The following TGM4 variants were observed in gnomAD, a reference collection of about 807,000 sequenced individuals.
The protein encoded by TGM4 is transglutaminase 4, also known as protein-glutamine gamma-glutamyltransferase 4.
A neutral mutation model predicts 76.3 loss-of-function variants in TGM4; 61 were observed. The observed-to-expected ratio is 0.80, with a 90% CI of 0.65 to 0.99. The LOEUF is 0.99. TGM4 is among the 50% of genes least tolerant of loss of function. The pLI is 0.00. For synonymous variants in TGM4, 337 were observed against 329.8 expected (o/e 1.02, Z -0.24); for missense variants, 794 against 843.2 (o/e 0.94, Z 0.72).
In TGM4 at chr3:44,885,359, G is replaced by A; in HGVS notation, c.54G>A (p.Gln18=). The A allele has an allele frequency of 6.2e-7, 1 of 1,613,496 alleles. No individual in the cohort carries two copies. The highest frequency in any genetic ancestry group is 1.1e-5 in the South Asian group (1 of 91,014). The change falls in exon 2 of 14, where the codon CAG becomes CAA. Residue 18 remains glutamine, a synonymous_variant. Transcript: ENST00000296125. ...LQVLHIDFLN[Q]DNAVSHHTWE... Reference sequence around the variant, plus strand: ...TTCTCCACATTGACTTCTTGAATCAGGACAACGCCGTTTCTCACCACACAT... The same window carrying A: ...TTCTCCACATTGACTTCTTGAATCAAGACAACGCCGTTTCTCACCACACAT...
chr3:44,900,143 C>T (rs1054499883), intron 6 of TGM4, among the ~76,000 whole-genome samples: 1 of 152,334 alleles, frequency 6.6e-6, no homozygotes, highest in Non-Finnish European at 1.5e-5. Context: ...CGTCACTCCC[C>T]TTCTTTCCCT....
At chr3:44,905,626 T>C (rs1024777939) in intron 9 of TGM4, among the ~76,000 whole-genome samples, 1 of 152,190 alleles carries the variant, frequency 6.6e-6, no homozygotes, top group South Asian at 2.1e-4. Flanking sequence ...AATTTAAACA[T>C]ACTTTGCGGG....
Position 44,896,802 on chromosome 3 carries a change from G to A in TGM4, c.643G>A (p.Ala215Thr). Residue 215 changes from alanine (A) to threonine (T), a missense_variant, in exon 6 of 14, where the codon GCC becomes ACC. Transcript: ENST00000296125. ...DRRDPVLVCR[A>T]MCAMMSFEKG... ...GAGGGACCCCGTGCTGGTGTGCAGG[G>A]CCATGTGTGCTATGGTAGGTATGGA... 10 of 1,614,118 alleles carry A rather than the reference G, an allele frequency of 6.2e-6. No individual in the cohort carries two copies. The highest frequency in any genetic ancestry group is 7.6e-6 in the Non-Finnish European group (9 of 1,179,984).
chr3:44,877,791 G>A (rs1699469964), intron 1 of TGM4, among the ~76,000 whole-genome samples: 1 of 152,146 alleles, frequency 6.6e-6, no homozygotes, highest in Admixed American at 6.5e-5. Flanking sequence ...CCCATATCCT[G>A]TGACACAGCA....
At chr3:44,879,533 C>T (rs935988355) in intron 1 of TGM4, among the ~76,000 whole-genome samples, 8 of 146,548 alleles carry the variant, frequency 5.5e-5, no homozygotes, top group South Asian at 2.1e-4. Context: ...AGTGCAGTGG[C>T]GCAATCTCGG....
intron 2 of TGM4, among the ~76,000 whole-genome samples, chr3:44,886,739 G>T (rs1699613196): frequency 1.3e-5 from 2 of 152,216 alleles, no homozygotes; most frequent in Non-Finnish European, 2.9e-5. Context: ...CCTACTCTGT[G>T]CCAGGGAACC....
intron 5 of TGM4, among the ~76,000 whole-genome samples, chr3:44,896,430 G>T (rs1699779272): frequency 6.6e-6 from 1 of 152,076 alleles, no homozygotes. Flanking sequence ...TATTTGACTT[G>T]ATTACAAAGG....
At chr3:44,898,771 C>T (rs1301167028) in intron 6 of TGM4, among the ~76,000 whole-genome samples, 1 of 152,174 alleles carries the variant, frequency 6.6e-6, no homozygotes, top group Non-Finnish European at 1.5e-5. Flanking sequence ...TTCCCCTGCA[C>T]CTTAGGGGCT....
chr3:44,901,497 C>CT (rs1699851767), intron 6 of TGM4, 27 bp from the exon 7 acceptor site: 1 of 1,580,616 alleles, frequency 6.3e-7, no homozygotes, highest in African/African-American at 1.3e-5. Context: ...GGGGCGGACA[C>CT]TGACCCCACC....
intron 1 of TGM4, among the ~76,000 whole-genome samples, chr3:44,878,454 TATTATTATTATTATTATTA>T (rs1699480939): frequency 1.8e-4 from 25 of 142,802 alleles, no homozygotes; most frequent in South Asian, 1.6e-3. Context: ...TTTGTTTTAT[TATTATTATTATTATTATTA>T]TTATTATTAT....
intron 13 of TGM4, among the ~76,000 whole-genome samples, chr3:44,911,641 C>T (rs566493026): frequency 6.6e-6 from 1 of 152,238 alleles, no homozygotes; most frequent in South Asian, 2.1e-4. Context: ...TACTTTGCAT[C>T]TGATTATTTG....
chr3:44,891,987 G>A (rs544770640), intron 4 of TGM4, among the ~76,000 whole-genome samples: 20 of 151,114 alleles, frequency 1.3e-4, no homozygotes, highest in South Asian at 4.2e-4. Context: ...GGCCAGGCGC[G>A]GTGGCTCATG....
Position 44,913,640 on chromosome 3 carries a change from C to G in TGM4, c.1970C>G (p.Thr657Ser). The G allele has an allele frequency of 6.2e-7, 1 of 1,614,160 alleles. No individual in the cohort carries two copies. The highest frequency in any genetic ancestry group is 8.5e-7 in the Non-Finnish European group (1 of 1,180,016). Residue 657 changes from threonine to serine, a missense_variant, in exon 14 of 14, where the codon ACT becomes AGT. By Grantham distance (58) the Thr-to-Ser change is moderately conservative (BLOSUM62 1). Transcript: ENST00000296125. Reference protein sequence around the residue: ...QSQIKCTPIKTGPKKFIVKLS... With the variant: ...QSQIKCTPIKSGPKKFIVKLS... ...CAAATAAAATGCACCCCAATAAAAA[C>G]TGGACCCAAGAAATTTATCGTCAAG...
intron 2 of TGM4, among the ~76,000 whole-genome samples, chr3:44,887,270 G>C (rs1699620346): frequency 1.3e-5 from 2 of 152,222 alleles, no homozygotes; most frequent in South Asian, 2.1e-4. Context: ...AGCTTGCAGG[G>C]TAGGCGGTGG....
intron 10 of TGM4, among the ~76,000 whole-genome samples, chr3:44,907,838 C>A (rs1487799547): frequency 6.6e-6 from 1 of 152,176 alleles, no homozygotes; most frequent in Non-Finnish European, 1.5e-5. Context: ...CCCTGTGGCC[C>A]ATTGGCTGTG....
At chr3:44,876,439 C>T (rs924351194) in intron 1 of TGM4, 1 of 152,192 alleles carries the variant, frequency 6.6e-6, no homozygotes, top group African/African-American at 2.4e-5. Context: ...GAGGTCAGGA[C>T]ATCCAAATAG....
At chr3:44,902,704 C>T (rs1348040337) in intron 8 of TGM4, among the ~76,000 whole-genome samples, 1 of 152,192 alleles carries the variant, frequency 6.6e-6, no homozygotes, top group African/African-American at 2.4e-5. Flanking sequence ...TTCATGTTAG[C>T]ACTTGGCCCA....
At chr3:44,910,842 C>T in intron 11 of TGM4, 116 bp from the exon 12 acceptor site, 1 of 1,213,130 alleles carries the variant, frequency 8.2e-7, no homozygotes, top group Non-Finnish European at 1.2e-6. Flanking sequence ...GGGACATGTC[C>T]AAAGTTATCC....
intron 1 of TGM4, among the ~76,000 whole-genome samples, chr3:44,880,953 C>T (rs755368234): frequency 2.0e-5 from 3 of 152,092 alleles, no homozygotes; most frequent in East Asian, 3.9e-4. Flanking sequence ...TGTGGTGGCT[C>T]GTGTCTGTAA....
Sources: allele counts gnomAD v4.1 joint callset (sites outside exome capture counted in the v4.1 genomes callset), GRCh38; gene constraint gnomAD v4.1.1; transcripts MANE v1.5; gene names NCBI Gene and HGNC (gene_info 2026-07-23, HGNC 2026-07-21).